Variants in RBFOX1 observed in about 807,000 individuals in gnomAD.
RBFOX1 encodes the protein RNA binding fox-1 homolog 1, also known as RNA binding protein fox-1 homolog 1.
RBFOX1 carries 8 observed loss-of-function variants against 57.7 expected under a neutral mutation model. The ratio of observed to expected loss-of-function variants is 0.14; its 90% CI spans 0.08 to 0.25. The LOEUF is 0.25. Among genes scored for constraint, RBFOX1 ranks in the 10% least tolerant of loss-of-function variants. RBFOX1 has a pLI of 1.00. For synonymous variants in RBFOX1, 326 were observed against 222.4 expected, an observed-to-expected ratio of 1.47 and a Z score of -4.15; for missense variants, 611 against 548.5, an observed-to-expected ratio of 1.11 and a Z score of -1.14.
At chr16:6,205,497 G>GTAT (rs1401408367) in intron 1 of RBFOX1, among the ~76,000 whole-genome samples, 1 of 152,134 alleles carries the variant, frequency 6.6e-6, no homozygotes, top group East Asian at 1.9e-4. Context: ...TTATAAATAT[G>GTAT]TATGCACATT....
chr16:5,847,321 C>A (rs2056781801), intron 3 of RBFOX1, among the ~76,000 whole-genome samples: 3 of 143,930 alleles, frequency 2.1e-5, no homozygotes, highest in African/African-American at 5.2e-5. Flanking sequence ...TTGGGCAAGC[C>A]ATAAGAACTT....
intron 3 of RBFOX1, among the ~76,000 whole-genome samples, chr16:7,048,149 G>T (rs1047046891): frequency 1.3e-5 from 2 of 151,984 alleles, no homozygotes; most frequent in Non-Finnish European, 2.9e-5. Context: ...AAAATTCTGG[G>T]ATTACAGGTG....
At chr16:6,167,086 G>T (rs2096923556) in intron 1 of RBFOX1, among the ~76,000 whole-genome samples, 1 of 152,126 alleles carries the variant, frequency 6.6e-6, no homozygotes, top group Non-Finnish European at 1.5e-5. Flanking sequence ...CCTGTGTTTT[G>T]GGAGTCAAGG....
intron 1 of RBFOX1, among the ~76,000 whole-genome samples, chr16:6,288,414 T>C (rs2077113704): frequency 6.6e-6 from 1 of 152,166 alleles, no homozygotes; most frequent in African/African-American, 2.4e-5. Context: ...CTGCAAGTGA[T>C]GGGATGCTAC....
intron 1 of RBFOX1, among the ~76,000 whole-genome samples, chr16:6,293,259 CA>C (rs370845901): frequency 9.9e-5 from 15 of 152,110 alleles, no homozygotes; most frequent in East Asian, 5.8e-4. Context: ...AATATTGGAT[CA>C]GGGGTATAAA....
intron 4 of RBFOX1, among the ~76,000 whole-genome samples, chr16:7,326,581 C>T (rs1433819301): frequency 6.6e-6 from 1 of 152,122 alleles, no homozygotes; most frequent in Admixed American, 6.6e-5. Flanking sequence ...TTCTGGATGC[C>T]TTCCAAGCAC....
chr16:5,547,004 C>T (rs905752143), intron 2 of RBFOX1, among the ~76,000 whole-genome samples: 1 of 152,124 alleles, frequency 6.6e-6, no homozygotes, highest in African/African-American at 2.4e-5. Context: ...AAAACTTGTT[C>T]AACATCATTA....
At chr16:6,907,542 C>G (rs186323292) in intron 3 of RBFOX1, among the ~76,000 whole-genome samples, 3 of 152,042 alleles carry the variant, frequency 2.0e-5, no homozygotes, top group Admixed American at 6.6e-5. Flanking sequence ...TCCTATGCCT[C>G]TCTCTTAGCT....
chr16:5,301,552 G>C (rs1212389787), intron 1 of RBFOX1, among the ~76,000 whole-genome samples: 2 of 143,906 alleles, frequency 1.4e-5, no homozygotes, highest in South Asian at 2.2e-4. Flanking sequence ...CCAGGAGGCA[G>C]AGCTTGCAGT....
intron 2 of RBFOX1, among the ~76,000 whole-genome samples, chr16:5,560,078 G>A (rs879692109): frequency 5.9e-5 from 9 of 152,172 alleles, no homozygotes; most frequent in Non-Finnish European, 1.0e-4. Flanking sequence ...CAGTGCTTAT[G>A]AAAATGGCCA....
chr16:7,649,070 G>A (rs547031990), intron 11 of RBFOX1, among the ~76,000 whole-genome samples: 12 of 152,124 alleles, frequency 7.9e-5, no homozygotes, highest in African/African-American at 1.2e-4. Flanking sequence ...AAAAGAATTC[G>A]GGGCCAGTCC....
At chr16:7,550,827 C>A (rs967697923) in intron 5 of RBFOX1, among the ~76,000 whole-genome samples, 22 of 152,090 alleles carry the variant, frequency 1.4e-4, no homozygotes, top group African/African-American at 5.1e-4. Flanking sequence ...GGTGCAGTGA[C>A]TCACTCCCAT....
intron 1 of RBFOX1, among the ~76,000 whole-genome samples, chr16:5,272,720 A>C (rs566674676): frequency 6.6e-6 from 1 of 152,114 alleles, no homozygotes; most frequent in African/African-American, 2.4e-5. Flanking sequence ...TGGCCAACTC[A>C]TTGACTTCCC....
intron 2 of RBFOX1, among the ~76,000 whole-genome samples, chr16:6,512,191 G>A (rs1045354952): frequency 1.4e-5 from 2 of 147,874 alleles, no homozygotes; most frequent in East Asian, 2.1e-4. Flanking sequence ...TGCTGAGGTC[G>A]TAGGATTGCT....
In RBFOX1 at chr16:6,630,619, C is replaced by G. The variant is rs116248546; in HGVS notation, c.-63-23984C>G. 5.0e-3 allele frequency among the ~76,000 whole-genome samples: 768 copies of G among 152,270 alleles called. 8 individuals are homozygous for G. Among genetic ancestry groups the G allele is most frequent in the African/African-American group, 0.017 (719 of 41,542 alleles). ...TTCAAGTCTCCTTGCTAGTAGGAAT[C>G]AGAAACCCAATTTGGGCCCAGAACT... is the stretch of plus-strand genomic sequence containing the variant. On this transcript the variant is annotated intron_variant, in intron 2 of 15. Transcript: ENST00000550418.
chr16:7,320,164 C>T (rs965280283), intron 4 of RBFOX1, among the ~76,000 whole-genome samples: 2 of 152,100 alleles, frequency 1.3e-5, no homozygotes, highest in Admixed American at 6.5e-5. Flanking sequence ...TGTCTGCACC[C>T]ATCAACCCAT....
chr16:7,294,524 GAAAA>G (rs35719031), intron 4 of RBFOX1, among the ~76,000 whole-genome samples: 28 of 123,870 alleles, frequency 2.3e-4, no homozygotes, highest in Admixed American at 2.5e-4. Context: ...GTGTTGGCAA[GAAAA>G]AAAAAAAAAA....
chr16:6,283,245 T>G (rs2076577097), intron 1 of RBFOX1, among the ~76,000 whole-genome samples: 1 of 152,144 alleles, frequency 6.6e-6, no homozygotes. Context: ...GAGGATCGCT[T>G]GAACCCCGGA....
intron 4 of RBFOX1, among the ~76,000 whole-genome samples, chr16:7,327,048 A>T (rs555242086): frequency 1.4e-4 from 21 of 152,290 alleles, no homozygotes; most frequent in Non-Finnish European, 2.6e-4. Context: ...GAGTCATGAT[A>T]TGGTGTGGGC....
Sources: allele counts gnomAD v4.1 joint callset (sites outside exome capture counted in the v4.1 genomes callset), GRCh38; gene constraint gnomAD v4.1.1; transcripts MANE v1.5; gene names NCBI Gene and HGNC (gene_info 2026-07-23, HGNC 2026-07-21).